Variants in PPP1CB observed in about 807,000 individuals in gnomAD.
PPP1CB encodes protein phosphatase 1 catalytic subunit beta.
Under a neutral mutation model 43.7 loss-of-function variants are expected in PPP1CB, and 2 were observed. The ratio of observed to expected loss-of-function variants is 0.05; its 90% confidence interval spans 0.02 to 0.14. The LOEUF (loss-of-function observed/expected upper bound fraction) is 0.14. Among genes scored for constraint, PPP1CB ranks in the 10% least tolerant of loss-of-function variants. The pLI, the probability that PPP1CB is intolerant of heterozygous loss-of-function variation, is 1.00. For synonymous variants in PPP1CB, 136 were observed against 135.6 expected (o/e 1.00, Z -0.02); for missense variants, 84 against 398.0 (o/e 0.21, Z 6.71).
At chr2:28,762,311 T>A (rs1210764136) in intron 1 of PPP1CB, among the ~76,000 whole-genome samples, 1 of 152,180 alleles carries the variant, frequency 6.6e-6, no homozygotes, top group Non-Finnish European at 1.5e-5. Flanking sequence ...TATCTGTTCT[T>A]TAAGTAGCAA....
At chr2:28,794,328 T>C (rs1667450443) in intron 7 of PPP1CB, among the ~76,000 whole-genome samples, 1 of 152,232 alleles carries the variant, frequency 6.6e-6, no homozygotes, top group South Asian at 2.1e-4. Flanking sequence ...GCTTTTGTTT[T>C]CTTTTGCAAA....
At chr2:28,793,212 TAAAAAA>T (rs954476489) in intron 6 of PPP1CB, among the ~76,000 whole-genome samples, 1 of 151,770 alleles carries the variant, frequency 6.6e-6, no homozygotes, top group East Asian at 1.9e-4. Context: ...TCTCAAAAAA[TAAAAAA>T]TAAAAATAAA....
Position 28,769,035 on chromosome 2 carries a change from G to C in PPP1CB, c.53-7816G>C, listed in dbSNP as rs768062684. Among the ~76,000 whole-genome samples the C allele has an allele frequency of 1.4e-4, 21 of 152,116 alleles. No homozygotes were observed. The South Asian group carries it at 1.7e-3, about 12-fold the overall frequency. ...TGTGTGATTCCAAGCAGGGTAAATA[G>C]AGAGAAAACCATATTGAACATAGCT... On this transcript the variant is annotated intron_variant, in intron 1 of 7. Coordinates refer to ENST00000395366, the MANE Select transcript of PPP1CB (RefSeq NM_002709.3).
At chr2:28,768,790 C>T (rs1280123194) in intron 1 of PPP1CB, among the ~76,000 whole-genome samples, 1 of 151,526 alleles carries the variant, frequency 6.6e-6, no homozygotes, top group Non-Finnish European at 1.5e-5. Context: ...GCTAATGAAA[C>T]TGAATTGACC....
rs898446417 is a variant in PPP1CB at position 28,758,088 on chromosome 2, C to A, written c.52+5912C>A. Reference sequence around the variant, plus strand: ...GGAGGCAGGGTCTGGCTCTGTCACCCGGTTGGAGTGCAGTGGCATGAACAT... The same window carrying A: ...GGAGGCAGGGTCTGGCTCTGTCACCAGGTTGGAGTGCAGTGGCATGAACAT... On this transcript the variant is annotated intron_variant, in intron 1 of 7. Coordinates refer to ENST00000395366, the MANE Select transcript of PPP1CB (RefSeq NM_002709.3). Among the ~76,000 whole-genome samples the A allele has an allele frequency of 4.0e-5, 6 of 150,500 alleles. No homozygotes were observed. The East Asian group carries it at 1.2e-3, about 29-fold the overall frequency.
In PPP1CB at chr2:28,752,089, T is replaced by G; in HGVS notation, c.-36T>G. 6.5e-7 allele frequency: 1 copy of G among 1,547,558 alleles called. No individual in the cohort carries two copies. ...AGCCTCCGCCGCCGAGAAGCCCTTG[T>G]TCCCGCTGCTGGGAAGGAGAGTCTG... On this transcript the variant is annotated 5_prime_UTR_variant, in exon 1 of 8. Coordinates refer to ENST00000395366, the MANE Select transcript of PPP1CB (RefSeq NM_002709.3).
chr2:28,800,487 C>T lies in PPP1CB; in HGVS notation c.*1184C>T, dbSNP rs1244068764. 1 of 152,302 alleles carries T rather than the reference C, an allele frequency of 6.6e-6. No individual in the cohort carries two copies. Among genetic ancestry groups the T allele is most frequent in the Non-Finnish European group, 1.5e-5 (1 of 67,898 alleles). 9.4% of individuals were successfully genotyped at this position (152,302 alleles called of 1,614,324 possible). On this transcript the variant is annotated 3_prime_UTR_variant, in exon 8 of 8. Transcript: ENST00000395366. ...CTAAAGATTTTTATTCTGATTTTTT[C>T]ATAATCAAAGGTCATATGATACTGT...
chr2:28,778,692 T>C (rs1301498978), intron 2 of PPP1CB, 117 bp from the exon 3 acceptor site: 12 of 644,590 alleles, frequency 1.9e-5, no homozygotes, highest in Non-Finnish European at 2.4e-5. Context: ...TCACCAAATA[T>C]AGCCCATACT....
At chr2:28,790,853 G>A (rs913536891) in intron 6 of PPP1CB, among the ~76,000 whole-genome samples, 4 of 152,094 alleles carry the variant, frequency 2.6e-5, no homozygotes, top group African/African-American at 9.7e-5. Context: ...TGAGTTAATG[G>A]GAGTTAATTC....
In PPP1CB at chr2:28,785,065, C is replaced by CTTTTTTTTTTTTTTTTTTTTT. The variant is rs769650329; in HGVS notation, c.592+1095_592+1115dup. ...ATGTTGTAATAAATTGTGTTAGGAGCTTTTTTTTTTTTTTTTTTTTTTTTT... is the reference window on the plus strand; with the variant it reads ...ATGTTGTAATAAATTGTGTTAGGAGCTTTTTTTTTTTTTTTTTTTTTTTTTTTTTTTTTTTTTTTTTTTTTT... On this transcript the variant is annotated intron_variant, in intron 5 of 7. Transcript: ENST00000395366. Among the ~76,000 whole-genome samples the CTTTTTTTTTTTTTTTTTTTTT allele has an allele frequency of 6.2e-4, 34 of 54,996 alleles. 9 individuals are homozygous for CTTTTTTTTTTTTTTTTTTTTT. Among genetic ancestry groups the CTTTTTTTTTTTTTTTTTTTTT allele is most frequent in the Non-Finnish European group, 8.4e-4 (24 of 28,692 alleles). 36.1% of individuals were successfully genotyped at this position (54,996 alleles called of 152,430 possible). A position where few individuals can be genotyped will look rare whatever the true frequency, so the allele number is the denominator to read the frequency against.
chr2:28,777,678 G>A (rs913796337), intron 2 of PPP1CB, among the ~76,000 whole-genome samples: 2 of 152,168 alleles, frequency 1.3e-5, no homozygotes, highest in African/African-American at 4.8e-5. Flanking sequence ...TTGAGACAGA[G>A]TTTCACTCTT....
chr2:28,764,957 G>A (rs1666748057), intron 1 of PPP1CB, among the ~76,000 whole-genome samples: 1 of 152,028 alleles, frequency 6.6e-6, no homozygotes, highest in Non-Finnish European at 1.5e-5. Context: ...CATAGGTGTT[G>A]GAATTAGTGC....
Position 28,789,747 on chromosome 2 carries a change from C to T in PPP1CB, c.744+938C>T, listed in dbSNP as rs1344108751. ...CGGAGCAGCTGGGATTACAGGCACG[C>T]ACCACCACGCCTGGCTCATTTTTGT... On this transcript the variant is annotated intron_variant, in intron 6 of 7. Coordinates refer to ENST00000395366, the MANE Select transcript of PPP1CB (RefSeq NM_002709.3). Among the ~76,000 whole-genome samples, 3 of 151,418 alleles carry T rather than the reference C, an allele frequency of 2.0e-5. No homozygotes were observed. The South Asian group carries it at 6.3e-4, about 32-fold the overall frequency.
At chr2:28,771,975 CAA>C (rs145379596) in intron 1 of PPP1CB, among the ~76,000 whole-genome samples, 109 of 134,822 alleles carry the variant, frequency 8.1e-4, no homozygotes, top group East Asian at 1.2e-3. Flanking sequence ...CGAACTTGTC[CAA>C]AAAAAAAAAA....
intron 2 of PPP1CB, 57 bp downstream of exon 2, chr2:28,777,039 G>A: frequency 6.4e-7 from 1 of 1,568,668 alleles, no homozygotes; most frequent in South Asian, 1.1e-5. Flanking sequence ...TTCCTCCCAT[G>A]TTTAAGATCT....
intron 1 of PPP1CB, among the ~76,000 whole-genome samples, chr2:28,766,151 G>C (rs1208885762): frequency 2.6e-5 from 4 of 152,158 alleles, no homozygotes; most frequent in African/African-American, 9.7e-5. Context: ...TCTGTGTTTG[G>C]TAATAGTGAT....
chr2:28,753,728 A>T (rs539695768), intron 1 of PPP1CB, among the ~76,000 whole-genome samples: 572 of 149,948 alleles, frequency 3.8e-3, no homozygotes, highest in Non-Finnish European at 6.9e-3. Context: ...ACTCCTTTTT[A>T]TTTTTTTTTT....
chr2:28,786,362 C>A (rs573510179), intron 5 of PPP1CB, among the ~76,000 whole-genome samples: 1 of 152,278 alleles, frequency 6.6e-6, no homozygotes, highest in South Asian at 2.1e-4. Context: ...GATCCGCCCA[C>A]CTCGGCCTCC....
chr2:28,782,912 G>C (rs1667185410), intron 4 of PPP1CB: 1 of 152,194 alleles, frequency 6.6e-6, no homozygotes, highest in South Asian at 2.1e-4. Context: ...TATATTAATT[G>C]AAATATGTTT....
Sources: allele counts gnomAD v4.1 joint callset (sites outside exome capture counted in the v4.1 genomes callset), GRCh38; gene constraint gnomAD v4.1.1; transcripts MANE v1.5; gene names NCBI Gene and HGNC (gene_info 2026-07-23, HGNC 2026-07-21).